The following DMD variants were observed in gnomAD, a reference collection of about 807,000 sequenced individuals.
DMD encodes mutant dystrophin.
DMD carries 63 observed loss-of-function variants against 330.1 expected under a neutral mutation model. That is an observed-to-expected ratio of 0.19 (90% CI 0.16 to 0.24). DMD has a LOEUF of 0.24. Ranked by LOEUF, DMD falls within the 10% of genes least tolerant of loss-of-function variation. The pLI, the probability that DMD is intolerant of heterozygous loss-of-function variation, is 1.00. For missense variants in DMD, 3,344 were observed against 2,684.1 expected (o/e 1.25, Z -5.43); for synonymous variants, 1,223 against 959.8 (o/e 1.27, Z -5.07).
chrX:33,256,825 T>C (rs2052864332), intron 1 of DMD, among the ~76,000 whole-genome samples: 1 of 110,774 alleles, frequency 9.0e-6, no homozygotes, highest in African/African-American at 3.3e-5. Context: ...TTCTTTACAG[T>C]ATTATGATAT....
intron 43 of DMD, among the ~76,000 whole-genome samples, chrX:32,224,187 T>C (rs780958349): frequency 5.4e-4 from 60 of 111,817 alleles, no homozygotes; most frequent in South Asian, 2.2e-3. Context: ...GTGCTGTCTT[T>C]TGATGTATAG....
intron 62 of DMD, among the ~76,000 whole-genome samples, chrX:31,279,227 G>A (rs2052428560): frequency 1.8e-5 from 2 of 112,456 alleles, no homozygotes; most frequent in Admixed American, 9.4e-5. Flanking sequence ...TGGCTGTGAA[G>A]CCACAAACAG....
intron 1 of DMD, among the ~76,000 whole-genome samples, chrX:33,260,228 T>G (rs1039970570): frequency 9.0e-6 from 1 of 111,643 alleles, no homozygotes; most frequent in Non-Finnish European, 1.9e-5. Flanking sequence ...GCATTTGATG[T>G]TGTCAGTGTT....
At position 32,774,591 on chromosome X, in the gene DMD, G is replaced by T. The variant is rs560533888; in HGVS notation, c.649+34902C>A. Among the ~76,000 whole-genome samples, 276 of 111,221 alleles carry T rather than the reference G, an allele frequency of 2.5e-3. 1 individual carries two copies. Among genetic ancestry groups the T allele is most frequent in the African/African-American group, 8.6e-3 (264 of 30,578 alleles). ...GCACTCTCTTCACTAGGTGGCAGGAGGGGGCAGGGAACAGCCAGACACTTA... is the reference window on the plus strand; with the variant it reads ...GCACTCTCTTCACTAGGTGGCAGGATGGGGCAGGGAACAGCCAGACACTTA... On this transcript the variant is annotated intron_variant, in intron 7 of 78. Coordinates refer to ENST00000357033, the MANE Select transcript of DMD (RefSeq NM_004006.3).
At chrX:31,483,133 A>C (rs182477870) in intron 57 of DMD, among the ~76,000 whole-genome samples, 1 of 93,345 alleles carries the variant, frequency 1.1e-5, no homozygotes, top group Non-Finnish European at 2.0e-5. Context: ...TGCAAGCTCC[A>C]CCTCCCAGGT....
In DMD at chrX:33,057,062, GA is replaced by G. The variant is rs776806974; in HGVS notation, c.32-36863del. On this transcript the variant is annotated intron_variant, in intron 1 of 78. Transcript: ENST00000357033. ...AGTACATATTGATCAAATTAGAGAT[GA>G]TTTTTTTTTTCACAGCTCAGTGATG... Among the ~76,000 whole-genome samples the G allele has an allele frequency of 3.1e-3, 341 of 111,567 alleles. 3 individuals are homozygous for G. The highest frequency in any genetic ancestry group is 0.01 in the African/African-American group (322 of 30,755).
chrX:32,465,625 G>C (rs1361681050), intron 23 of DMD, among the ~76,000 whole-genome samples: 1 of 82,801 alleles, frequency 1.2e-5, no homozygotes, highest in Non-Finnish European at 2.2e-5. Context: ...TTGCTCTGTC[G>C]CCCAGGCTGG....
intron 67 of DMD, among the ~76,000 whole-genome samples, chrX:31,196,295 G>T (rs187776729): frequency 2.1e-4 from 23 of 111,144 alleles, no homozygotes; most frequent in African/African-American, 6.5e-4. Flanking sequence ...AAGGCTGATT[G>T]GACTATTAGG....
intron 1 of DMD, among the ~76,000 whole-genome samples, chrX:33,046,040 C>T (rs1201921535): frequency 2.7e-5 from 3 of 111,415 alleles, no homozygotes; most frequent in Admixed American, 1.9e-4. Context: ...GATCTTCTTC[C>T]CCACAGACCA....
At chrX:31,824,851 T>A (rs892983983) in intron 49 of DMD, among the ~76,000 whole-genome samples, 1 of 111,802 alleles carries the variant, frequency 8.9e-6, no homozygotes, top group African/African-American at 3.2e-5. Flanking sequence ...TCATCAGTGC[T>A]CTTGAGACTA....
At position 33,309,615 on chromosome X, in the gene DMD, T is replaced by G. The variant is rs187815900; in HGVS notation, c.7+29644A>C. ...AGATAGTAAACTTTTTATTTTAGAA[T>G]AGGTTACAAGTAGGAAACAAATATA... On this transcript the variant is annotated intron_variant, in intron 1 of 17. Transcript: ENST00000288447. Among the ~76,000 whole-genome samples, 117 of 111,045 alleles carry G rather than the reference T, an allele frequency of 1.1e-3. 1 individual carries two copies. Among genetic ancestry groups the G allele is most frequent in the African/African-American group, 3.5e-3 (106 of 30,712 alleles).
intron 2 of DMD, among the ~76,000 whole-genome samples, chrX:32,924,884 T>C (rs1569542874): frequency 9.0e-6 from 1 of 111,029 alleles, no homozygotes; most frequent in Admixed American, 9.7e-5. Context: ...AGAATCCTCA[T>C]ATCCCCAAAG....
chrX:31,928,747 C>T (rs748409237), intron 47 of DMD, among the ~76,000 whole-genome samples: 34 of 111,357 alleles, frequency 3.1e-4, no homozygotes, highest in South Asian at 3.7e-4. Context: ...AAAGTAACAC[C>T]GAAATACGAT....
intron 11 of DMD, among the ~76,000 whole-genome samples, chrX:32,618,450 G>A (rs1232528482): frequency 9.0e-6 from 1 of 111,511 alleles, no homozygotes; most frequent in Non-Finnish European, 1.9e-5. Context: ...TTATAAGTGG[G>A]AGCTAAATGA....
At chrX:31,242,262 C>CAAAAA (rs72176984) in intron 63 of DMD, among the ~76,000 whole-genome samples, 414 of 24,645 alleles carry the variant, frequency 0.017, 59 homozygotes, top group Non-Finnish European at 0.023. Context: ...TCTCAAAAAG[C>CAAAAA]AAAAAAAAAA....
At chrX:32,691,748 A>C (rs1228155317) in intron 9 of DMD, among the ~76,000 whole-genome samples, 3 of 111,569 alleles carry the variant, frequency 2.7e-5, no homozygotes, top group African/African-American at 9.8e-5. Context: ...CAAGATGTGG[A>C]AACATCCTCA....
intron 47 of DMD, among the ~76,000 whole-genome samples, chrX:31,891,444 T>C (rs978962486): frequency 8.9e-6 from 1 of 112,026 alleles, no homozygotes; most frequent in African/African-American, 3.2e-5. Flanking sequence ...AACAGGAGAC[T>C]TGGGCAGAGG....
intron 11 of DMD, among the ~76,000 whole-genome samples, chrX:32,633,726 G>A (rs1332700827): frequency 8.9e-6 from 1 of 111,774 alleles, no homozygotes; most frequent in Non-Finnish European, 1.9e-5. Context: ...CTGCTCAGCT[G>A]CTGGGGAGGC....
chrX:32,087,510 T>TAA (rs1042825551), intron 44 of DMD, among the ~76,000 whole-genome samples: 3 of 111,565 alleles, frequency 2.7e-5, no homozygotes, highest in African/African-American at 9.8e-5. Flanking sequence ...ATCTGGACGT[T>TAA]AAGAAATAAT....
Sources: gnomAD v4.1 joint callset for allele counts (sites outside exome capture counted in the v4.1 genomes callset) on GRCh38, gnomAD v4.1.1 for gene constraint, MANE v1.5 for transcripts, NCBI Gene and HGNC (gene_info 2026-07-23, HGNC 2026-07-21) for gene names.